CREB5: variants seen among roughly 807,000 people sequenced by gnomAD.
CREB5 encodes the protein cyclic AMP-responsive element-binding protein 5.
A neutral mutation model predicts 57.1 loss-of-function variants in CREB5; 19 were observed. The ratio of observed to expected loss-of-function variants is 0.33; its 90% CI spans 0.23 to 0.49. CREB5 has a LOEUF of 0.49. CREB5 is among the 20% of genes least tolerant of loss of function. The probability of loss-of-function intolerance (pLI) is 0.99; values close to 1 mark genes in which losing one functional copy is unlikely to be tolerated. For synonymous variants in CREB5, 238 were observed against 238.3 expected (o/e 1.00, Z 0.01); for missense variants, 579 against 671.6 (o/e 0.86, Z 1.52).
chr7:28,652,944 ATTC>A (rs930995508), intron 5 of CREB5, among the ~76,000 whole-genome samples: 29 of 152,342 alleles, frequency 1.9e-4, no homozygotes, highest in African/African-American at 5.8e-4. Context: ...GTCCAAGTTC[ATTC>A]TTCTTTTTTC....
chr7:28,691,707 G>A (rs942313319), intron 5 of CREB5, among the ~76,000 whole-genome samples: 5 of 152,120 alleles, frequency 3.3e-5, no homozygotes, highest in African/African-American at 1.2e-4. Flanking sequence ...AGGGCATATG[G>A]TGTCTCAAGC....
chr7:28,448,801 G>A (rs890772376), intron 1 of CREB5, among the ~76,000 whole-genome samples: 6 of 152,232 alleles, frequency 3.9e-5, no homozygotes, highest in Non-Finnish European at 8.8e-5. Context: ...GGCAGTGTTA[G>A]AGATGATTTA....
At chr7:28,578,485 C>T (rs1468423855) in intron 5 of CREB5, among the ~76,000 whole-genome samples, 1 of 152,204 alleles carries the variant, frequency 6.6e-6, no homozygotes, top group East Asian at 1.9e-4. Flanking sequence ...CCTGGTTATT[C>T]AGAGCTGGTC....
At chr7:28,469,036 T>C (rs980679899) in intron 1 of CREB5, among the ~76,000 whole-genome samples, 1 of 152,138 alleles carries the variant, frequency 6.6e-6, no homozygotes, top group Non-Finnish European at 1.5e-5. Context: ...CCAGGCAAGA[T>C]AGGCAGCTGA....
At chr7:28,689,888 T>G (rs567396160) in intron 5 of CREB5, among the ~76,000 whole-genome samples, 1 of 150,664 alleles carries the variant, frequency 6.6e-6, no homozygotes, top group Admixed American at 6.6e-5. Context: ...GGCTGTGAAT[T>G]CTCCCATTTT....
chr7:28,560,849 T>TGTGC (rs1562797145), intron 4 of CREB5, among the ~76,000 whole-genome samples: 1 of 87,052 alleles, frequency 1.1e-5, no homozygotes, highest in South Asian at 3.8e-4. Context: ...TGTGTGCGCG[T>TGTGC]GTGTGTGTGC....
At chr7:28,732,790 G>T (rs1191836390) in intron 7 of CREB5, among the ~76,000 whole-genome samples, 1 of 150,056 alleles carries the variant, frequency 6.7e-6, no homozygotes, top group African/African-American at 2.4e-5. Flanking sequence ...GGGATGGAAG[G>T]TGGGGCATTC....
chr7:28,523,331 T>G (rs1793291422), intron 4 of CREB5, among the ~76,000 whole-genome samples: 1 of 152,204 alleles, frequency 6.6e-6, no homozygotes, highest in Admixed American at 6.5e-5. Context: ...ATGCCCAGCT[T>G]CTACCACTGG....
chr7:28,413,829 G>A (rs918954045), intron 1 of CREB5, among the ~76,000 whole-genome samples: 2 of 152,080 alleles, frequency 1.3e-5, no homozygotes, highest in Admixed American at 1.3e-4. Context: ...GTAAGTTTAA[G>A]ATTTTTGTTA....
chr7:28,757,161 C>T (rs1562620301), intron 7 of CREB5, among the ~76,000 whole-genome samples: 2 of 152,166 alleles, frequency 1.3e-5, no homozygotes, highest in South Asian at 4.1e-4. Context: ...AGTAAATTCT[C>T]GCAACCGTCG....
chr7:28,640,224 A>G (rs1429194503), intron 5 of CREB5, among the ~76,000 whole-genome samples: 1 of 152,186 alleles, frequency 6.6e-6, no homozygotes, highest in Non-Finnish European at 1.5e-5. Flanking sequence ...GACTGCTCAC[A>G]CCATAAAAAT....
At chr7:28,689,283 A>T (rs1347881337) in intron 5 of CREB5, among the ~76,000 whole-genome samples, 2 of 152,078 alleles carry the variant, frequency 1.3e-5, no homozygotes, top group Non-Finnish European at 2.9e-5. Flanking sequence ...CCTGGCTAAA[A>T]TGGTGAAACC....
intron 1 of CREB5, among the ~76,000 whole-genome samples, chr7:28,467,601 T>C (rs746037948): frequency 1.3e-5 from 2 of 152,168 alleles, no homozygotes; most frequent in African/African-American, 4.8e-5. Context: ...CAGTTCTTTA[T>C]TTTAATTCTG....
At chr7:28,419,362 T>A (rs1376893717) in intron 1 of CREB5, among the ~76,000 whole-genome samples, 2 of 152,232 alleles carry the variant, frequency 1.3e-5, no homozygotes, top group Non-Finnish European at 2.9e-5. Context: ...TCTGGAGCCA[T>A]CTGTGTTTAA....
At chr7:28,440,037 G>C (rs1462209797) in intron 1 of CREB5, among the ~76,000 whole-genome samples, 1 of 152,150 alleles carries the variant, frequency 6.6e-6, no homozygotes, top group African/African-American at 2.4e-5. Flanking sequence ...ATGCTTCTGG[G>C]ATATCAGTTG....
intron 1 of CREB5, among the ~76,000 whole-genome samples, chr7:28,419,921 T>A (rs909308306): frequency 4.1e-4 from 62 of 152,234 alleles, no homozygotes; most frequent in African/African-American, 1.4e-3. Context: ...AGGGTTGTGC[T>A]GTGTTGACGT....
At chr7:28,757,862 C>G (rs191766196) in intron 7 of CREB5, among the ~76,000 whole-genome samples, 183 of 152,204 alleles carry the variant, frequency 1.2e-3, no homozygotes, top group African/African-American at 4.2e-3. Context: ...CTGAAATCCT[C>G]CAGTGAGCAT....
intron 5 of CREB5, among the ~76,000 whole-genome samples, chr7:28,628,072 T>TTTCTCTTA (rs1048273195): frequency 2.0e-5 from 3 of 152,026 alleles, no homozygotes; most frequent in African/African-American, 7.2e-5. Context: ...AGTGAAGGGA[T>TTTCTCTTA]TTCTCTTATT....
At chr7:28,518,792 C>T (rs758535294) in intron 4 of CREB5, among the ~76,000 whole-genome samples, 3 of 152,218 alleles carry the variant, frequency 2.0e-5, no homozygotes, top group South Asian at 2.1e-4. Context: ...TCCACACTCC[C>T]CCCATGTGGA....
Sources: allele counts gnomAD v4.1 joint callset (sites outside exome capture counted in the v4.1 genomes callset), GRCh38; gene constraint gnomAD v4.1.1; transcripts MANE v1.5; gene names NCBI Gene and HGNC (gene_info 2026-07-23, HGNC 2026-07-21).